Variants in NDUFS4 observed in about 807,000 individuals in gnomAD.
The protein encoded by NDUFS4 is NADH dehydrogenase [ubiquinone] iron-sulfur protein 4, mitochondrial.
A neutral mutation model predicts 24.3 loss-of-function variants in NDUFS4; 28 were observed. The observed-to-expected ratio is 1.15, with a 90% confidence interval of 0.85 to 1.58. NDUFS4 has a LOEUF of 1.58. Among genes scored for constraint, NDUFS4 ranks in the 40% most tolerant of loss-of-function variants. The pLI is 0.00. For synonymous variants in NDUFS4, 93 were observed against 69.7 expected (o/e 1.34, Z -1.67); for missense variants, 223 against 207.9 (o/e 1.07, Z -0.45).
intron 2 of NDUFS4, among the ~76,000 whole-genome samples, chr5:53,606,654 C>G (rs1040539180): frequency 6.6e-6 from 1 of 152,152 alleles, no homozygotes; most frequent in African/African-American, 2.4e-5. Context: ...CATGAGTCAC[C>G]GTGCCCACTG....
intron 2 of NDUFS4, among the ~76,000 whole-genome samples, chr5:53,607,762 TTTC>T (rs558634276): frequency 2.6e-4 from 39 of 152,176 alleles, no homozygotes; most frequent in Non-Finnish European, 5.3e-4. Flanking sequence ...GATAATGAGT[TTTC>T]TTCATATATT....
intron 1 of NDUFS4, among the ~76,000 whole-genome samples, chr5:53,593,230 G>A (rs545384319): frequency 9.9e-5 from 15 of 152,090 alleles, no homozygotes; most frequent in South Asian, 4.2e-4. Context: ...GGCCTGTCCC[G>A]ATTATTGCTC....
chr5:53,653,119 C>A (rs1365900435), intron 3 of NDUFS4, among the ~76,000 whole-genome samples: 1 of 152,034 alleles, frequency 6.6e-6, no homozygotes, highest in African/African-American at 2.4e-5. Flanking sequence ...TTGTGTTAAT[C>A]ACATTCTGAA....
chr5:53,647,090 C>A (rs1222427236), intron 3 of NDUFS4, among the ~76,000 whole-genome samples: 1 of 150,838 alleles, frequency 6.6e-6, no homozygotes, highest in Non-Finnish European at 1.5e-5. Flanking sequence ...ATATATATAT[C>A]TTTTTTCTTT....
intron 2 of NDUFS4, among the ~76,000 whole-genome samples, chr5:53,616,218 T>A (rs1750834361): frequency 1.3e-5 from 1 of 79,302 alleles, no homozygotes; most frequent in Non-Finnish European, 3.2e-5. Flanking sequence ...ATTCATTCAA[T>A]TTTTTTTTTT....
At chr5:53,596,802 A>G (rs987748907) in intron 1 of NDUFS4, among the ~76,000 whole-genome samples, 4 of 152,222 alleles carry the variant, frequency 2.6e-5, no homozygotes, top group African/African-American at 9.6e-5. Context: ...AATTAGTTCT[A>G]ATCAAAAGGC....
chr5:53,625,540 C>G (rs1751193683), intron 2 of NDUFS4, among the ~76,000 whole-genome samples: 1 of 152,108 alleles, frequency 6.6e-6, no homozygotes. Flanking sequence ...AGTTTGACTT[C>G]CAGTCTTTTT....
chr5:53,607,785 A>G (rs377077), intron 2 of NDUFS4, among the ~76,000 whole-genome samples: 31,002 of 152,058 alleles, frequency 0.2, 3,675 homozygotes, highest in East Asian at 0.46. Context: ...TGCAATAAAA[A>G]CAATCCACCA....
rs1267059960 is a variant in NDUFS4 at position 53,658,340 on chromosome 5, T to TAA, written c.351-211_351-210insAA. ...AACAATGCCTTTGCAATTATGAATT[T>TAA]TATTATTTGACAATACATATTAGAA... On this transcript the variant is annotated intron_variant, in intron 3 of 4. Coordinates refer to ENST00000296684, the MANE Select transcript of NDUFS4 (RefSeq NM_002495.4). Among the ~76,000 whole-genome samples, 23 of 152,144 alleles carry TAA rather than the reference T, an allele frequency of 1.5e-4. 1 individual carries two copies. The highest frequency in any genetic ancestry group is 3.1e-4 in the Non-Finnish European group (21 of 68,008).
intron 4 of NDUFS4, among the ~76,000 whole-genome samples, chr5:53,682,229 T>A (rs1740690505): frequency 6.6e-6 from 1 of 152,118 alleles, no homozygotes; most frequent in Non-Finnish European, 1.5e-5. Flanking sequence ...TTCCCATGTT[T>A]TAGGAGAACT....
chr5:53,595,699 T>A lies in NDUFS4; in HGVS notation c.99-7753T>A, dbSNP rs143615572. On this transcript the variant is annotated intron_variant, in intron 1 of 4. Coordinates refer to ENST00000296684, the MANE Select transcript of NDUFS4 (RefSeq NM_002495.4). ...CCTACTTATTACTCTTCAATTCCAT[T>A]TCAGAGTCTGTTACGTGAACATAAT... Among the ~76,000 whole-genome samples, 116 of 152,312 alleles carry A rather than the reference T, an allele frequency of 7.6e-4. 1 individual carries two copies. In the East Asian group the frequency reaches 0.021, roughly 28 times the overall value.
chr5:53,638,684 A>G (rs1335241593), intron 2 of NDUFS4, among the ~76,000 whole-genome samples: 1 of 152,118 alleles, frequency 6.6e-6, no homozygotes, highest in African/African-American at 2.4e-5. Flanking sequence ...TTGCACTTGT[A>G]TCCCTGAATC....
chr5:53,579,665 A>T (rs534135410), intron 1 of NDUFS4, among the ~76,000 whole-genome samples: 1 of 152,312 alleles, frequency 6.6e-6, no homozygotes, highest in South Asian at 2.1e-4. Flanking sequence ...TCAGTGAGCT[A>T]TGATTGCGCC....
intron 2 of NDUFS4, among the ~76,000 whole-genome samples, chr5:53,625,182 A>G (rs1751178120): frequency 1.3e-5 from 2 of 152,124 alleles, no homozygotes; most frequent in African/African-American, 4.8e-5. Context: ...TCCTGAGCTC[A>G]TGCAATCTGC....
At chr5:53,667,542 C>T (rs1053624568) in intron 4 of NDUFS4, among the ~76,000 whole-genome samples, 1 of 151,650 alleles carries the variant, frequency 6.6e-6, no homozygotes, top group Non-Finnish European at 1.5e-5. Context: ...CCACAGCATC[C>T]TCTTCCTTCT....
chr5:53,671,258 A>G (rs891735374), intron 4 of NDUFS4, among the ~76,000 whole-genome samples: 16 of 152,118 alleles, frequency 1.1e-4, no homozygotes, highest in Admixed American at 9.8e-4. Flanking sequence ...CCTGCTATTG[A>G]TAATTTCTGC....
chr5:53,580,360 T>A (rs1027807235), intron 1 of NDUFS4, among the ~76,000 whole-genome samples: 3 of 152,252 alleles, frequency 2.0e-5, no homozygotes, highest in African/African-American at 7.2e-5. Context: ...TTTGTTCTAG[T>A]GCTAGACGAC....
At chr5:53,654,023 C>A (rs145444408) in intron 3 of NDUFS4, among the ~76,000 whole-genome samples, 1 of 151,996 alleles carries the variant, frequency 6.6e-6, no homozygotes, top group Admixed American at 6.6e-5. Flanking sequence ...CTCCTTATAG[C>A]CAATTTCTCT....
intron 3 of NDUFS4, among the ~76,000 whole-genome samples, chr5:53,650,927 A>G (rs932821792): frequency 6.6e-6 from 1 of 152,216 alleles, no homozygotes; most frequent in African/African-American, 2.4e-5. Context: ...TTTAAGACAA[A>G]ACTGTAACCT....
Sources: allele counts gnomAD v4.1 joint callset (sites outside exome capture counted in the v4.1 genomes callset), GRCh38; gene constraint gnomAD v4.1.1; transcripts MANE v1.5; gene names NCBI Gene and HGNC (gene_info 2026-07-23, HGNC 2026-07-21).